The following CCBE1 variants were observed in gnomAD, a reference collection of about 807,000 sequenced individuals.
CCBE1 encodes collagen and calcium-binding EGF domain-containing protein 1.
In CCBE1, 37 loss-of-function variants were observed where a neutral mutation model predicts 50.0. The ratio of observed to expected loss-of-function variants is 0.74; its 90% CI spans 0.57 to 0.97. The LOEUF is 0.97. CCBE1 is among the 50% of genes least tolerant of loss of function. CCBE1 has a pLI of 0.00. For missense variants in CCBE1, 538 were observed against 523.8 expected, an observed-to-expected ratio of 1.03 and a Z score of -0.26; for synonymous variants, 234 against 203.7, an observed-to-expected ratio of 1.15 and a Z score of -1.27.
intron 2 of CCBE1, among the ~76,000 whole-genome samples, chr18:59,690,081 G>T (rs752560950): frequency 3.3e-5 from 5 of 152,094 alleles, no homozygotes; most frequent in Non-Finnish European, 7.4e-5. Flanking sequence ...AAGATAAAGG[G>T]AATTAAAATT....
chr18:59,506,898 A>G (rs1476434921), intron 2 of CCBE1, among the ~76,000 whole-genome samples: 1 of 152,214 alleles, frequency 6.6e-6, no homozygotes, highest in East Asian at 1.9e-4. Context: ...CCCCAGATAT[A>G]GAAGATGTTG....
intron 10 of CCBE1, 126 bp from the exon 11 acceptor site, chr18:59,436,267 A>G: frequency 1.2e-6 from 1 of 807,800 alleles, no homozygotes; most frequent in Non-Finnish European, 2.1e-6. Context: ...AATGGAGCCA[A>G]TGTGAGGACT....
chr18:59,455,155 C>A, intron 5 of CCBE1: 1 of 666,388 alleles, frequency 1.5e-6, no homozygotes, highest in Non-Finnish European at 2.8e-6. Context: ...GGGAGAGGGG[C>A]CCTGCTAGAA....
intron 2 of CCBE1, among the ~76,000 whole-genome samples, chr18:59,653,622 C>T (rs184542600): frequency 6.6e-6 from 1 of 152,296 alleles, no homozygotes; most frequent in Admixed American, 6.5e-5. Flanking sequence ...TGACCAAGGT[C>T]ACCCAGTAAA....
At chr18:59,474,386 G>A (rs997948423) in intron 3 of CCBE1, among the ~76,000 whole-genome samples, 1 of 152,142 alleles carries the variant, frequency 6.6e-6, no homozygotes, top group Non-Finnish European at 1.5e-5. Context: ...TGACATCTGG[G>A]TATCACTGTA....
intron 2 of CCBE1, among the ~76,000 whole-genome samples, chr18:59,613,115 C>G (rs1033450973): frequency 1.3e-5 from 2 of 151,842 alleles, no homozygotes; most frequent in Non-Finnish European, 2.9e-5. Context: ...CTGCTCTTAT[C>G]GGAAGTAACT....
At chr18:59,577,343 C>G (rs898706286) in intron 2 of CCBE1, among the ~76,000 whole-genome samples, 4 of 152,110 alleles carry the variant, frequency 2.6e-5, no homozygotes, top group African/African-American at 4.8e-5. Context: ...CAACAAAAAC[C>G]AAGTCTGGCA....
intron 2 of CCBE1, among the ~76,000 whole-genome samples, chr18:59,650,983 A>G (rs1203588214): frequency 3.9e-5 from 6 of 152,106 alleles, no homozygotes; most frequent in Admixed American, 3.3e-4. Flanking sequence ...GAGAAACTCC[A>G]TCACTTAGGG....
intron 2 of CCBE1, among the ~76,000 whole-genome samples, chr18:59,498,678 C>T (rs1307887919): frequency 6.6e-6 from 1 of 152,156 alleles, no homozygotes; most frequent in Non-Finnish European, 1.5e-5. Flanking sequence ...TTGTAGGCAA[C>T]GTTAGTGCAT....
rs150361891 is a variant in CCBE1, at chr18:59,643,688, G to T, written c.212+52941C>A. On this transcript the variant is annotated intron_variant, in intron 2 of 10. Transcript: ENST00000439986. Reference sequence around the variant, plus strand: ...TACAAAAAATTAGCCAAGTGTGGGGGCGCACACCTGTAATCCCAGCTACTC... The same window carrying T: ...TACAAAAAATTAGCCAAGTGTGGGGTCGCACACCTGTAATCCCAGCTACTC... Among the ~76,000 whole-genome samples, 597 of 152,244 alleles carry T rather than the reference G, an allele frequency of 3.9e-3. 1 individual carries two copies. Among genetic ancestry groups the T allele is most frequent in the African/African-American group, 0.012 (484 of 41,530 alleles).
chr18:59,662,170 A>G (rs2054295081), intron 2 of CCBE1, among the ~76,000 whole-genome samples: 1 of 152,176 alleles, frequency 6.6e-6, no homozygotes. Flanking sequence ...CAAAAACACA[A>G]GACAGAACTG....
At chr18:59,602,929 G>T (rs2053451496) in intron 2 of CCBE1, among the ~76,000 whole-genome samples, 1 of 152,220 alleles carries the variant, frequency 6.6e-6, no homozygotes, top group South Asian at 2.1e-4. Context: ...TGCACCCTTG[G>T]ATAACTTGCT....
At chr18:59,524,273 T>C (rs891745701) in intron 2 of CCBE1, among the ~76,000 whole-genome samples, 7 of 152,182 alleles carry the variant, frequency 4.6e-5, no homozygotes, top group African/African-American at 1.2e-4. Context: ...TGAGCCAAGA[T>C]TGCGCCACTG....
intron 2 of CCBE1, among the ~76,000 whole-genome samples, chr18:59,543,089 G>C (rs539509075): frequency 6.6e-6 from 1 of 152,296 alleles, no homozygotes; most frequent in African/African-American, 2.4e-5. Flanking sequence ...GGAAGCCTTG[G>C]ATTGCTCTAG....
chr18:59,529,923 C>G (rs1170034349), intron 2 of CCBE1, among the ~76,000 whole-genome samples: 1 of 152,148 alleles, frequency 6.6e-6, no homozygotes, highest in Non-Finnish European at 1.5e-5. Context: ...GGGTCTTGTT[C>G]TGAAGTTCTC....
At chr18:59,604,849 TC>T (rs538290691) in intron 2 of CCBE1, among the ~76,000 whole-genome samples, 212 of 152,320 alleles carry the variant, frequency 1.4e-3, no homozygotes, top group African/African-American at 4.7e-3. Flanking sequence ...TTAAAATGTA[TC>T]ATTTGTTCTT....
chr18:59,613,724 C>A (rs1423029506), intron 2 of CCBE1, among the ~76,000 whole-genome samples: 3 of 151,580 alleles, frequency 2.0e-5, no homozygotes, highest in Non-Finnish European at 2.9e-5. Flanking sequence ...CATAGTGAGA[C>A]CCCATCTTTA....
intron 6 of CCBE1, among the ~76,000 whole-genome samples, chr18:59,453,389 T>C (rs1342506748): frequency 6.6e-6 from 1 of 152,392 alleles, no homozygotes; most frequent in Non-Finnish European, 1.5e-5. Flanking sequence ...TATTTATTTA[T>C]GTCTCTGTGT....
chr18:59,622,901 G>A (rs1341013763), intron 2 of CCBE1, among the ~76,000 whole-genome samples: 3 of 151,644 alleles, frequency 2.0e-5, no homozygotes, highest in Non-Finnish European at 2.9e-5. Flanking sequence ...AAAATTTTTC[G>A]GACAGAGGAA....
Sources: gnomAD v4.1 joint callset for allele counts (sites outside exome capture counted in the v4.1 genomes callset) on GRCh38, gnomAD v4.1.1 for gene constraint, MANE v1.5 for transcripts, NCBI Gene and HGNC (gene_info 2026-07-23, HGNC 2026-07-21) for gene names.